IMMP2L: variants seen among roughly 807,000 people sequenced by gnomAD.
IMMP2L encodes the protein inner mitochondrial membrane peptidase subunit 2.
In IMMP2L, 18 loss-of-function variants were observed where a neutral mutation model predicts 19.3. That is an observed-to-expected ratio of 0.93 (90% confidence interval 0.64 to 1.38). The LOEUF is 1.38. Ranked by LOEUF, IMMP2L falls within the 40% of genes most tolerant of loss-of-function variation. IMMP2L has a pLI of 0.00. For missense variants in IMMP2L, 233 were observed against 218.2 expected (o/e 1.07, Z -0.43); for synonymous variants, 76 against 73.0 (o/e 1.04, Z -0.21).
At chr7:111,151,202 T>C (rs769480056) in intron 3 of IMMP2L, among the ~76,000 whole-genome samples, 1 of 152,174 alleles carries the variant, frequency 6.6e-6, no homozygotes, top group Non-Finnish European at 1.5e-5. Context: ...ACTTAAATAG[T>C]AATTGAGAAA....
chr7:111,485,715 C>G (rs1171359781), intron 3 of IMMP2L, among the ~76,000 whole-genome samples: 2 of 146,674 alleles, frequency 1.4e-5, no homozygotes, highest in Non-Finnish European at 1.5e-5. Flanking sequence ...AAATATCAAT[C>G]ACTATGAATA....
At chr7:111,545,012 A>T (rs1010848400) in intron 1 of IMMP2L, among the ~76,000 whole-genome samples, 1 of 152,146 alleles carries the variant, frequency 6.6e-6, no homozygotes, top group Non-Finnish European at 1.5e-5. Context: ...ATAAGACAAC[A>T]TCAAGAACAA....
chr7:110,761,616 C>T (rs910029704), intron 5 of IMMP2L, among the ~76,000 whole-genome samples: 2 of 152,156 alleles, frequency 1.3e-5, no homozygotes, highest in Admixed American at 6.6e-5. Flanking sequence ...CAGATGCTTA[C>T]TGTAGGCTGG....
intron 3 of IMMP2L, among the ~76,000 whole-genome samples, chr7:111,054,768 G>T (rs1310042936): frequency 6.6e-6 from 1 of 152,140 alleles, no homozygotes; most frequent in Non-Finnish European, 1.5e-5. Context: ...TCAATCTCAG[G>T]AGGAAAACCT....
intron 3 of IMMP2L, among the ~76,000 whole-genome samples, chr7:111,345,064 CACAT>C (rs566957734): frequency 3.4e-4 from 51 of 152,056 alleles, no homozygotes; most frequent in Non-Finnish European, 1.0e-4. Flanking sequence ...CTGAGTAACT[CACAT>C]ACAGTTTTCC....
intron 2 of IMMP2L, 48 bp downstream of exon 2, chr7:111,521,265 A>G: frequency 6.4e-7 from 1 of 1,564,894 alleles, no homozygotes; most frequent in Non-Finnish European, 8.7e-7. Context: ...TAGTGCTTGA[A>G]AAACAATGAA....
intron 3 of IMMP2L, among the ~76,000 whole-genome samples, chr7:111,147,633 C>T (rs1483977082): frequency 6.6e-6 from 1 of 152,058 alleles, no homozygotes; most frequent in African/African-American, 2.4e-5. Context: ...TAGGCTGAGT[C>T]CTCTGCTTCA....
chr7:111,382,258 C>T (rs188717348), intron 3 of IMMP2L, among the ~76,000 whole-genome samples: 2 of 151,912 alleles, frequency 1.3e-5, no homozygotes, highest in East Asian at 3.9e-4. Context: ...AAAACCAAAA[C>T]AGAAGAACTT....
intron 5 of IMMP2L, among the ~76,000 whole-genome samples, chr7:110,714,779 T>C (rs1020216336): frequency 1.3e-5 from 2 of 152,110 alleles, no homozygotes; most frequent in African/African-American, 2.4e-5. Context: ...GTATTTTTAG[T>C]AGGGACAGGG....
intron 3 of IMMP2L, among the ~76,000 whole-genome samples, chr7:111,112,954 C>G (rs1451601410): frequency 1.3e-5 from 2 of 152,202 alleles, no homozygotes; most frequent in East Asian, 3.9e-4. Flanking sequence ...TTTCTTTCAA[C>G]GTATGTTTTA....
chr7:110,976,761 A>T (rs2129557383), intron 3 of IMMP2L, among the ~76,000 whole-genome samples: 1 of 152,066 alleles, frequency 6.6e-6, no homozygotes, highest in African/African-American at 2.4e-5. Context: ...CACAGTTGGA[A>T]ATGCTCACAT....
At chr7:110,690,652 T>C (rs1164795956) in intron 5 of IMMP2L, among the ~76,000 whole-genome samples, 1 of 152,112 alleles carries the variant, frequency 6.6e-6, no homozygotes, top group African/African-American at 2.4e-5. Flanking sequence ...ATCACTGTTA[T>C]ATACCAACAG....
chr7:111,068,725 A>G (rs1310572464), intron 3 of IMMP2L, among the ~76,000 whole-genome samples: 1 of 152,194 alleles, frequency 6.6e-6, no homozygotes, highest in Non-Finnish European at 1.5e-5. Flanking sequence ...AGCCTCCTTC[A>G]ATTTCCAACT....
rs573778781 is a variant in IMMP2L at position 111,253,978 on chromosome 7, C to G, written c.239+233260G>C. ...TATATAAATGTGCTTTTTCAAAGCA[C>G]TGAAGTGCCAAACATAATATTTATG... On this transcript the variant is annotated intron_variant, in intron 3 of 5. Coordinates refer to ENST00000405709, the MANE Select transcript of IMMP2L (RefSeq NM_032549.4). Among the ~76,000 whole-genome samples the G allele has an allele frequency of 5.3e-5, 8 of 152,186 alleles. No individual in the cohort carries two copies. In the East Asian group the frequency reaches 1.5e-3, roughly 29 times the overall value.
chr7:110,869,836 A>T lies in IMMP2L; in HGVS notation c.408+16757T>A, dbSNP rs1585086453. Among the ~76,000 whole-genome samples, 7 of 152,132 alleles carry T rather than the reference A, an allele frequency of 4.6e-5. 1 individual carries two copies. Among genetic ancestry groups the T allele is most frequent in the Admixed American group, 4.6e-4 (7 of 15,252 alleles). ...AAGCTTTGGCTCCATCCTTCTTTCT[A>T]CTGTCCTAAGATTTCTTTCTTCCCA... is the stretch of plus-strand genomic sequence containing the variant. On this transcript the variant is annotated intron_variant, in intron 5 of 5. Coordinates refer to ENST00000405709, the MANE Select transcript of IMMP2L (RefSeq NM_032549.4).
intron 3 of IMMP2L, among the ~76,000 whole-genome samples, chr7:111,394,055 T>C (rs1368273652): frequency 6.6e-6 from 1 of 152,148 alleles, no homozygotes. Flanking sequence ...CCAATCAACA[T>C]ATTTCATTGA....
chr7:111,351,268 G>A (rs1362783229), intron 3 of IMMP2L, among the ~76,000 whole-genome samples: 1 of 152,056 alleles, frequency 6.6e-6, no homozygotes, highest in Admixed American at 6.6e-5. Context: ...TCTGCTCACC[G>A]CAACCTCCGC....
At chr7:110,734,054 G>T (rs1796454474) in intron 5 of IMMP2L, among the ~76,000 whole-genome samples, 1 of 152,184 alleles carries the variant, frequency 6.6e-6, no homozygotes, top group African/African-American at 2.4e-5. Flanking sequence ...ATGGGGTGCT[G>T]CTGCAGCAAA....
intron 3 of IMMP2L, among the ~76,000 whole-genome samples, chr7:111,389,461 C>T (rs2131312569): frequency 6.6e-6 from 1 of 151,924 alleles, no homozygotes; most frequent in Middle Eastern, 3.4e-3. Flanking sequence ...AGGGAAATGT[C>T]CTTATTTTTA....
Sources: allele counts gnomAD v4.1 joint callset (sites outside exome capture counted in the v4.1 genomes callset), GRCh38; gene constraint gnomAD v4.1.1; transcripts MANE v1.5; gene names NCBI Gene and HGNC (gene_info 2026-07-23, HGNC 2026-07-21).